Variants in MCF2L2 observed in about 807,000 individuals in gnomAD.
MCF2L2 encodes the protein probable guanine nucleotide exchange factor MCF2L2.
A neutral mutation model predicts 150.2 loss-of-function variants in MCF2L2; 102 were observed. The observed-to-expected ratio is 0.68, with a 90% CI of 0.58 to 0.80. The LOEUF (loss-of-function observed/expected upper bound fraction) is 0.80. Ranked by LOEUF, MCF2L2 falls within the 30% of genes least tolerant of loss-of-function variation. The probability of loss-of-function intolerance (pLI) is 0.00; values close to 1 mark genes in which losing one functional copy is unlikely to be tolerated. For missense variants in MCF2L2, 1,256 were observed against 1,372.8 expected (o/e 0.91, Z 1.34); for synonymous variants, 465 against 491.3 (o/e 0.95, Z 0.71).
chr3:183,414,039 T>C (rs1327017865), intron 1 of MCF2L2, among the ~76,000 whole-genome samples: 1 of 152,202 alleles, frequency 6.6e-6, no homozygotes, highest in Non-Finnish European at 1.5e-5. Context: ...ATAGTTTGCT[T>C]TCCTGTTGCA....
At chr3:183,426,769 T>C (rs1278291766) in intron 1 of MCF2L2, among the ~76,000 whole-genome samples, 1 of 152,276 alleles carries the variant, frequency 6.6e-6, no homozygotes, top group Non-Finnish European at 1.5e-5. Context: ...GGTAGGATCC[T>C]ACTGATCTTT....
intron 1 of MCF2L2, among the ~76,000 whole-genome samples, chr3:183,415,844 C>T (rs1471527776): frequency 6.6e-6 from 1 of 152,010 alleles, no homozygotes; most frequent in East Asian, 1.9e-4. Context: ...ACAATTTCTG[C>T]CTTTTGATTG....
intron 23 of MCF2L2, 61 bp downstream of exon 23, chr3:183,207,547 G>A (rs929318178): frequency 4.5e-6 from 6 of 1,326,762 alleles, no homozygotes; most frequent in Non-Finnish European, 6.4e-6. Context: ...GTAAAATAAG[G>A]AAAACGATCT....
rs80134263 is a variant in MCF2L2 at position 183,189,098 on chromosome 3, T to C, written c.3016+3901A>G. Among the ~76,000 whole-genome samples, 877 of 152,268 alleles carry C rather than the reference T, an allele frequency of 5.8e-3. 10 individuals carry two copies. Among genetic ancestry groups the C allele is most frequent in the African/African-American group, 0.019 (778 of 41,558 alleles). ...GGCTCAGCACTGACCTCTGCTGGCA[T>C]GTCGGACATTTAAAAGTGGTAGCAG... On this transcript the variant is annotated intron_variant, in intron 27 of 29. Transcript: ENST00000328913.
intron 21 of MCF2L2, among the ~76,000 whole-genome samples, chr3:183,218,074 C>T (rs147521540): frequency 1.5e-4 from 23 of 152,284 alleles, no homozygotes; most frequent in Non-Finnish European, 2.9e-4. Flanking sequence ...TTTGCTGCTC[C>T]GCATCTGGCC....
intron 1 of MCF2L2, among the ~76,000 whole-genome samples, chr3:183,427,685 A>G (rs1716237466): frequency 6.6e-6 from 1 of 151,158 alleles, no homozygotes; most frequent in Non-Finnish European, 1.5e-5. Flanking sequence ...TGAAGGCACC[A>G]GCCTCGGCCC....
chr3:183,302,374 G>A (rs935487464), intron 10 of MCF2L2, among the ~76,000 whole-genome samples: 7 of 152,304 alleles, frequency 4.6e-5, no homozygotes, highest in Non-Finnish European at 7.3e-5. Context: ...TGAAGTCAGG[G>A]ACAAGCCGTG....
intron 19 of MCF2L2, 120 bp from the exon 20 acceptor site, chr3:183,223,558 C>A: frequency 1.4e-6 from 1 of 691,666 alleles, no homozygotes. Context: ...GCAGCTGTGT[C>A]GAGCAGCTCC....
intron 14 of MCF2L2, among the ~76,000 whole-genome samples, chr3:183,278,832 C>G (rs948603223): frequency 2.0e-5 from 3 of 151,972 alleles, no homozygotes; most frequent in Admixed American, 6.6e-5. Flanking sequence ...ATCTTTTACA[C>G]TGAATGATGA....
intron 15 of MCF2L2, among the ~76,000 whole-genome samples, chr3:183,273,586 A>G (rs1467065726): frequency 1.3e-5 from 2 of 152,218 alleles, no homozygotes; most frequent in Non-Finnish European, 2.9e-5. Flanking sequence ...TAATGTAGTC[A>G]TGTGCCACAA....
At chr3:183,367,639 G>A (rs1049745039) in intron 3 of MCF2L2, among the ~76,000 whole-genome samples, 5 of 152,136 alleles carry the variant, frequency 3.3e-5, no homozygotes, top group Non-Finnish European at 7.4e-5. Context: ...ATAGGCAGAA[G>A]AACATGAAGG....
At chr3:183,282,118 G>C (rs1727518515) in intron 14 of MCF2L2, among the ~76,000 whole-genome samples, 1 of 151,574 alleles carries the variant, frequency 6.6e-6, no homozygotes, top group Non-Finnish European at 1.5e-5. Context: ...ACTATTGTTA[G>C]TAATGAGTTC....
At position 183,427,785 on chromosome 3, in the gene MCF2L2, A is replaced by AC. The variant is rs35254510; in HGVS notation, c.76+116dup. 3.4e-5 allele frequency: 29 copies of AC among 859,998 alleles called. No homozygotes were observed. The Admixed American group carries it at 5.3e-4, about 16-fold the overall frequency. The allele number at this position is 859,998 out of a possible 1,614,324, so 53.3% of individuals were successfully genotyped here. Reference sequence around the variant, plus strand: ...AGCAGCGAGGCCCAGATGCCGGGCAACCCCCCAGGAAGCGCGCTGCCCCGG... The same window carrying AC: ...AGCAGCGAGGCCCAGATGCCGGGCAACCCCCCCAGGAAGCGCGCTGCCCCGG... On this transcript the variant is annotated intron_variant, in intron 1 of 29. Coordinates refer to ENST00000328913, the MANE Select transcript of MCF2L2 (RefSeq NM_015078.4).
intron 21 of MCF2L2, among the ~76,000 whole-genome samples, chr3:183,217,663 T>C (rs557899308): frequency 1.6e-4 from 24 of 152,226 alleles, no homozygotes; most frequent in Non-Finnish European, 2.8e-4. Context: ...GATTTACATG[T>C]AAAAGCTATA....
rs776987167 is a variant in MCF2L2 at position 183,297,168 on chromosome 3, C to G, written c.1306-1G>C. The G allele has an allele frequency of 1.9e-6, 3 of 1,613,460 alleles. No individual in the cohort carries two copies. The highest frequency in any genetic ancestry group is 2.5e-6 in the Non-Finnish European group (3 of 1,179,642). On this transcript the variant is annotated splice_acceptor_variant, in intron 11 of 29. Coordinates refer to ENST00000328913, the MANE Select transcript of MCF2L2 (RefSeq NM_015078.4). LOFTEE classifies it high-confidence loss of function. Reference sequence around the variant, plus strand: ...TTCCTGCCTCACACCATTGGCTGACCTTTTGGAAAGAAACAGTGCCCTGTG... The same window carrying G: ...TTCCTGCCTCACACCATTGGCTGACGTTTTGGAAAGAAACAGTGCCCTGTG...
At chr3:183,351,565 ACT>A (rs1711506110) in intron 3 of MCF2L2, among the ~76,000 whole-genome samples, 1 of 151,996 alleles carries the variant, frequency 6.6e-6, no homozygotes, top group Non-Finnish European at 1.5e-5. Flanking sequence ...ACAATTGGTA[ACT>A]CTGATTCAAA....
intron 1 of MCF2L2, among the ~76,000 whole-genome samples, chr3:183,410,374 C>T (rs1380533050): frequency 6.6e-6 from 1 of 152,178 alleles, no homozygotes; most frequent in Non-Finnish European, 1.5e-5. Context: ...AGTCCAGTGG[C>T]CTACAAGCGT....
chr3:183,291,742 T>C (rs1305904247), intron 13 of MCF2L2, among the ~76,000 whole-genome samples: 1 of 152,254 alleles, frequency 6.6e-6, no homozygotes, highest in Non-Finnish European at 1.5e-5. Context: ...TGCAGGATTG[T>C]TCTGCAAAAC....
intron 2 of MCF2L2, among the ~76,000 whole-genome samples, chr3:183,387,035 T>C (rs1304542948): frequency 6.6e-6 from 1 of 152,106 alleles, no homozygotes; most frequent in African/African-American, 2.4e-5. Context: ...ATGGAAAGAC[T>C]GTTTGAGCCC....
Sources: allele counts gnomAD v4.1 joint callset (sites outside exome capture counted in the v4.1 genomes callset), GRCh38; gene constraint gnomAD v4.1.1; transcripts MANE v1.5; gene names NCBI Gene and HGNC (gene_info 2026-07-23, HGNC 2026-07-21).